POM121L2: variants seen among roughly 807,000 people sequenced by gnomAD.
POM121L2 encodes the protein POM121-like protein 2.
For missense variants in POM121L2, 1,167 were observed against 1,260.3 expected (o/e 0.93, Z 1.12); for synonymous variants, 459 against 483.8 (o/e 0.95, Z 0.67).
rs1477108046 is a variant in POM121L2 at position 27,311,033 on chromosome 6, G to T, written c.1138C>A (p.Leu380Ile). ...AGAGACAAGGAAGGCTGAATAGCAA[G>T]CCAAGTCTCAGGGAAAGGGTCTGTG... is the stretch of plus-strand genomic sequence containing the variant. ...VNTDPFPETW[L>I]AIQPSLSLAL... Residue 380 changes from leucine (L) to isoleucine (I), a missense_variant, in exon 1 of 1, where the codon CTT (leucine) becomes ATT (isoleucine). Coordinates refer to ENST00000444565, the MANE Select transcript of POM121L2 (RefSeq NM_033482.4). 2.6e-6 allele frequency: 4 copies of T among 1,551,836 alleles called. No individual in the cohort carries two copies. The Admixed American group carries it at 7.8e-5, about 30-fold the overall frequency.
In POM121L2 at chr6:27,312,115, C is replaced by G; in HGVS notation, c.56G>C (p.Arg19Pro). 6.8e-7 allele frequency: 1 copy of G among 1,465,300 alleles called. No individual in the cohort carries two copies. Among genetic ancestry groups the G allele is most frequent in the Non-Finnish European group, 9.0e-7 (1 of 1,106,484 alleles). 90.8% of individuals were successfully genotyped at this position (1,465,300 alleles called of 1,614,324 possible). ...CGTGGGCCTCTCGGGCAAGTCGGTG[C>G]GCACCTGGGCTGGGGACGAGGGCGA... ...ELSPSSPAQV[R>P]TDLPERPTKR... The change falls in exon 1 of 1, where the codon CGC becomes CCC. Residue 19 changes from arginine (R) to proline (P), a missense_variant. By Grantham distance (103) the Arg-to-Pro change is moderately radical (BLOSUM62 -2). Coordinates refer to ENST00000444565, the MANE Select transcript of POM121L2 (RefSeq NM_033482.4). The surrounding 1 kb of genome is among the most constrained non-coding windows in gnomAD (Gnocchi z 6.7).
Position 27,310,898 on chromosome 6 carries a change from C to T in POM121L2, c.1273G>A (p.Gly425Arg), listed in dbSNP as rs1315655265. 2 of 1,551,654 alleles carry T rather than the reference C, an allele frequency of 1.3e-6. No homozygotes were observed. The highest frequency in any genetic ancestry group is 1.4e-5 in the African/African-American group (1 of 73,026). ...GAATGGGCCACACTGGTTGCCTCTCCCGTGGACTGTGGAGAGGCCAGTGGA... is the reference window on the plus strand; with the variant it reads ...GAATGGGCCACACTGGTTGCCTCTCTCGTGGACTGTGGAGAGGCCAGTGGA... ...LGPLASPQST[G>R]EATSVAHSPL... Residue 425 changes from glycine to arginine, a missense_variant, in exon 1 of 1, where the codon GGA becomes AGA. By Grantham distance (125) the Gly-to-Arg change is moderately radical. Coordinates refer to ENST00000444565, the MANE Select transcript of POM121L2 (RefSeq NM_033482.4).
Position 27,309,134 on chromosome 6 carries a change from C to G in POM121L2, c.3037G>C (p.Gly1013Arg). The G allele has an allele frequency of 6.4e-7, 1 of 1,551,780 alleles. No individual in the cohort carries two copies. The highest frequency in any genetic ancestry group is 8.7e-7 in the Non-Finnish European group (1 of 1,147,020). The change falls in exon 1 of 1, where the codon GGC (glycine) becomes CGC (arginine). Residue 1013 changes from glycine (G) to arginine (R), a missense_variant. Coordinates refer to ENST00000444565, the MANE Select transcript of POM121L2 (RefSeq NM_033482.4). ...FRSSASSFSI[G>R]AKSKTPKNRE... Reference sequence around the variant, plus strand: ...TTCTTTGGGGTTTTTGATTTTGCGCCAATGGAAAATGAAGAGGCTGATGAT... The same window carrying G: ...TTCTTTGGGGTTTTTGATTTTGCGCGAATGGAAAATGAAGAGGCTGATGAT...
At position 27,310,364 on chromosome 6, in the gene POM121L2, G is replaced by A. The variant is rs1760727676; in HGVS notation, c.1807C>T (p.Pro603Ser). Residue 603 changes from proline to serine, a missense_variant, in exon 1 of 1, where the codon CCT becomes TCT. Coordinates refer to ENST00000444565, the MANE Select transcript of POM121L2 (RefSeq NM_033482.4). ...TGGGTAGAAGCATGAGTAAATGGAGGAGGGGTCTGCTTGGAGGAGAAAGGA... is the reference window on the plus strand; with the variant it reads ...TGGGTAGAAGCATGAGTAAATGGAGAAGGGGTCTGCTTGGAGGAGAAAGGA... ...IAPFSSKQTP[P>S]PFTHASTHHF... 1.9e-6 allele frequency: 3 copies of A among 1,552,086 alleles called. No homozygotes were observed. Among genetic ancestry groups the A allele is most frequent in the Admixed American group, 3.9e-5 (2 of 50,996 alleles).
rs770330342 is a variant in POM121L2, at chr6:27,311,996, G to A, written c.175C>T (p.Arg59Trp). Residue 59 changes from arginine (R) to tryptophan (W), a missense_variant, in exon 1 of 1, where the codon CGG (arginine) becomes TGG (tryptophan). Physicochemically the swap from Arg to Trp is moderately radical, Grantham distance 101. Coordinates refer to ENST00000444565, the MANE Select transcript of POM121L2 (RefSeq NM_033482.4). ...GGATTGGCAGGATCCAGGTTTGGCC[G>A]CCTCCTCACAGGTCTATACCGTGGG... ...PAPRYRPVRR[R>W]PNLDPANPTT... 3.9e-6 allele frequency: 6 copies of A among 1,548,802 alleles called. No homozygotes were observed. The highest frequency in any genetic ancestry group is 2.0e-5 in the Admixed American group (1 of 50,848).
rs2113595611 is a variant in POM121L2, at chr6:27,308,893, G to A, written c.*170C>T. 6.6e-6 allele frequency among the ~76,000 whole-genome samples: 1 copy of A among 152,320 alleles called. No individual in the cohort carries two copies. The highest frequency in any genetic ancestry group is 2.4e-5 in the African/African-American group (1 of 41,562). On this transcript the variant is annotated 3_prime_UTR_variant, in exon 1 of 1. Coordinates refer to ENST00000444565, the MANE Select transcript of POM121L2 (RefSeq NM_033482.4). Reference sequence around the variant, plus strand: ...CTCAATCTGCAATCAGCACTAGATGGTTTAGTCCTTCACTTTCGTCAAGGA... The same window carrying A: ...CTCAATCTGCAATCAGCACTAGATGATTTAGTCCTTCACTTTCGTCAAGGA...
Position 27,310,601 on chromosome 6 carries a change from G to A in POM121L2, c.1570C>T (p.Pro524Ser). The A allele has an allele frequency of 1.3e-6, 2 of 1,551,920 alleles. No individual in the cohort carries two copies. Among genetic ancestry groups the A allele is most frequent in the East Asian group, 2.4e-5 (1 of 40,910 alleles). Residue 524 changes from proline to serine, a missense_variant, in exon 1 of 1, where the codon CCT (proline) becomes TCT (serine). Transcript: ENST00000444565. ...SPTSHLSASA[P>S]PDATSAHLML... ...AGGTGAGCAGAAGTTGCATCAGGAG[G>A]TGCAGATGCAGAAAGATGGGATGTT...
Position 27,309,205 on chromosome 6 carries a change from A to C in POM121L2, c.2966T>G (p.Met989Arg). The C allele has an allele frequency of 6.4e-7, 1 of 1,551,816 alleles. No individual in the cohort carries two copies. Among genetic ancestry groups the C allele is most frequent in the Middle Eastern group, 1.7e-4 (1 of 5,992 alleles). Residue 989 changes from methionine (M) to arginine (R), a missense_variant, in exon 1 of 1, where the codon ATG (methionine) becomes AGG (arginine). By Grantham distance (91) the Met-to-Arg change is moderately conservative (BLOSUM62 -1). Transcript: ENST00000444565. ...AGAGCCCTGGGCAGGTGGAAAAGGC[A>C]TCCCAAAGCCAACACTGCTGCCTGC... is the stretch of plus-strand genomic sequence containing the variant. ...AKAGSSVGFG[M>R]PFPPAQGSVG...
rs770746581 is a variant in POM121L2 at position 27,310,176 on chromosome 6, G to T, written c.1995C>A (p.Phe665Leu). 2.0e-4 allele frequency: 308 copies of T among 1,551,960 alleles called. No homozygotes were observed. The highest frequency in any genetic ancestry group is 2.6e-4 in the Non-Finnish European group (298 of 1,147,096). The change falls in exon 1 of 1, where the codon TTC (phenylalanine) becomes TTA (leucine). Residue 665 changes from phenylalanine (F) to leucine (L), a missense_variant. Coordinates refer to ENST00000444565, the MANE Select transcript of POM121L2 (RefSeq NM_033482.4). ...TYSVPSTCDT[F>L]LLGTAQAFRA... Reference sequence around the variant, plus strand: ...TGAAGGCCTGAGCAGTCCCAAGCAGGAAAGTGTCGCAAGTGGAAGGGACAG... The same window carrying T: ...TGAAGGCCTGAGCAGTCCCAAGCAGTAAAGTGTCGCAAGTGGAAGGGACAG...
chr6:27,310,594 T>G lies in POM121L2; in HGVS notation c.1577A>C (p.Asp526Ala). Residue 526 changes from aspartate (D) to alanine (A), a missense_variant, in exon 1 of 1, where the codon GAT becomes GCT. Physicochemically the swap from Asp to Ala is moderately radical, Grantham distance 126. Coordinates refer to ENST00000444565, the MANE Select transcript of POM121L2 (RefSeq NM_033482.4). ...TAACATGAGGTGAGCAGAAGTTGCATCAGGAGGTGCAGATGCAGAAAGATG... is the reference window on the plus strand; with the variant it reads ...TAACATGAGGTGAGCAGAAGTTGCAGCAGGAGGTGCAGATGCAGAAAGATG... ...TSHLSASAPPDATSAHLMLKP... is the reference protein window; with the variant it reads ...TSHLSASAPPAATSAHLMLKP... The G allele has an allele frequency of 6.4e-7, 1 of 1,551,898 alleles. No homozygotes were observed. Among genetic ancestry groups the G allele is most frequent in the Non-Finnish European group, 8.7e-7 (1 of 1,147,024 alleles).
Position 27,310,724 on chromosome 6 carries a change from G to A in POM121L2, c.1447C>T (p.Pro483Ser), listed in dbSNP as rs1760733710. 1.3e-6 allele frequency: 2 copies of A among 1,551,780 alleles called. No homozygotes were observed. The highest frequency in any genetic ancestry group is 2.4e-5 in the East Asian group (1 of 40,914). The change falls in exon 1 of 1, where the codon CCG becomes TCG. Residue 483 changes from proline (P) to serine (S), a missense_variant. Coordinates refer to ENST00000444565, the MANE Select transcript of POM121L2 (RefSeq NM_033482.4). Reference protein sequence around the residue: ...PTLPVTDTTWPPSTSQADRSP... With the variant: ...PTLPVTDTTWSPSTSQADRSP... Reference sequence around the variant, plus strand: ...CTGTCAGCCTGAGAGGTTGAAGGCGGCCAGGTGGTGTCAGTAACTGGTAAT... The same window carrying A: ...CTGTCAGCCTGAGAGGTTGAAGGCGACCAGGTGGTGTCAGTAACTGGTAAT...
Position 27,312,035 on chromosome 6 carries a change from G to T in POM121L2, c.136C>A (p.Arg46Ser), listed in dbSNP as rs959683083. 9 of 1,531,406 alleles carry T rather than the reference G, an allele frequency of 5.9e-6. No individual in the cohort carries two copies. The African/African-American group carries it at 1.1e-4, about 19-fold the overall frequency. The allele number at this position is 1,531,406 out of a possible 1,614,324, so 94.9% of individuals were successfully genotyped here. A position where few individuals can be genotyped will look rare whatever the true frequency, so the allele number is the denominator to read the frequency against. Residue 46 changes from arginine to serine, a missense_variant, in exon 1 of 1, where the codon CGC (arginine) becomes AGC (serine). Physicochemically the swap from Arg to Ser is moderately radical, Grantham distance 110. Coordinates refer to ENST00000444565, the MANE Select transcript of POM121L2 (RefSeq NM_033482.4). The surrounding 1 kb of genome is among the most constrained non-coding windows in gnomAD (Gnocchi z 6.7). ...HQVHRVQFVH[R>S]AHPAPRYRPV... ...CTATACCGTGGGGCAGGGTGGGCGCGGTGGACGAACTGAACCCGATGAACT... is the reference window on the plus strand; with the variant it reads ...CTATACCGTGGGGCAGGGTGGGCGCTGTGGACGAACTGAACCCGATGAACT...
In POM121L2 at chr6:27,312,112, G is replaced by T. The variant is rs1343407326; in HGVS notation, c.59C>A (p.Thr20Asn). The change falls in exon 1 of 1, where the codon ACC becomes AAC. Residue 20 changes from threonine (T) to asparagine (N), a missense_variant. Coordinates refer to ENST00000444565, the MANE Select transcript of POM121L2 (RefSeq NM_033482.4). This position sits in a 1 kb window ranked among gnomAD's most constrained non-coding sequence, Gnocchi z 6.7. ...LSPSSPAQVR[T>N]DLPERPTKRR... The stretch of plus-strand genomic sequence containing the variant: ...TTTCGTGGGCCTCTCGGGCAAGTCG[G>T]TGCGCACCTGGGCTGGGGACGAGGG... 6.8e-7 allele frequency: 1 copy of T among 1,472,922 alleles called. No individual in the cohort carries two copies. Among genetic ancestry groups the T allele is most frequent in the Admixed American group, 2.5e-5 (1 of 39,256 alleles). The allele number at this position is 1,472,922 out of a possible 1,614,324, so 91.2% of individuals were successfully genotyped here. A position where few individuals can be genotyped will look rare whatever the true frequency, so the allele number is the denominator to read the frequency against.
Position 27,309,526 on chromosome 6 carries a change from C to T in POM121L2, c.2645G>A (p.Gly882Asp). The change falls in exon 1 of 1, where the codon GGC (glycine) becomes GAC (aspartate). Residue 882 changes from glycine (G) to aspartate (D), a missense_variant. Transcript: ENST00000444565. ...AGTGAAAGGTTGTGGAGCTCTGCTG[C>T]CAAACACTGAGCCAAAAGCCCCACT... is the stretch of plus-strand genomic sequence containing the variant. ...HQSGAFGSVF[G>D]SRAPQPFTFG... 4 of 1,552,074 alleles carry T rather than the reference C, an allele frequency of 2.6e-6. No homozygotes were observed. In the South Asian group the frequency reaches 4.8e-5, roughly 18 times the overall value.
chr6:27,311,686 GC>G, upstream of POM121L2: 1 of 1,551,860 alleles, frequency 6.4e-7, no homozygotes, highest in Non-Finnish European at 8.7e-7. Context: ...CTCTCTGAGG[GC>G]CCTCAACACT....
In POM121L2 at chr6:27,309,272, C is replaced by A; in HGVS notation, c.2899G>T (p.Ala967Ser). 6.4e-7 allele frequency: 1 copy of A among 1,551,552 alleles called. No homozygotes were observed. Among genetic ancestry groups the A allele is most frequent in the Non-Finnish European group, 8.7e-7 (1 of 1,146,912 alleles). ...RGSISARKTM[A>S]PIAQNTPVPG... ...ACTGGGGTGTTTTGAGCAATGGGGGCCATAGTCTTTCTTGCAGAAATGCTG... is the reference window on the plus strand; with the variant it reads ...ACTGGGGTGTTTTGAGCAATGGGGGACATAGTCTTTCTTGCAGAAATGCTG... The change falls in exon 1 of 1, where the codon GCC becomes TCC. Residue 967 changes from alanine to serine, a missense_variant. Ala to Ser is a moderately conservative substitution (Grantham distance 99, BLOSUM62 1). Coordinates refer to ENST00000444565, the MANE Select transcript of POM121L2 (RefSeq NM_033482.4).
At position 27,310,057 on chromosome 6, in the gene POM121L2, A is replaced by G. The variant is rs1294625082; in HGVS notation, c.2114T>C (p.Val705Ala). The change falls in exon 1 of 1, where the codon GTC becomes GCC. Residue 705 changes from valine to alanine, a missense_variant. Val to Ala is a moderately conservative substitution (Grantham distance 64, BLOSUM62 0). Transcript: ENST00000444565. ...TVHTVTMFTQ[V>A]LSSVVQISPR... Reference sequence around the variant, plus strand: ...GGATATCTGTACAACACTGGAAAGGACCTGGGTAAACATGGTGACTGTATG... The same window carrying G: ...GGATATCTGTACAACACTGGAAAGGGCCTGGGTAAACATGGTGACTGTATG... The G allele has an allele frequency of 6.4e-7, 1 of 1,552,218 alleles. No individual in the cohort carries two copies. Among genetic ancestry groups the G allele is most frequent in the Admixed American group, 2.0e-5 (1 of 51,014 alleles).
rs1301596524 is a variant in POM121L2, at chr6:27,312,132, C to T, written c.39G>A (p.Ser13=). Reference sequence around the variant, plus strand: ...AGTCGGTGCGCACCTGGGCTGGGGACGAGGGCGAAAGTTCCAGTTTGCTCA... The same window carrying T: ...AGTCGGTGCGCACCTGGGCTGGGGATGAGGGCGAAAGTTCCAGTTTGCTCA... ...SFLSKLELSP[S]SPAQVRTDLP... is the part of the protein sequence containing the mutation. Residue 13 remains serine (S), a synonymous_variant, in exon 1 of 1, where the codon TCG becomes TCA. Coordinates refer to ENST00000444565, the MANE Select transcript of POM121L2 (RefSeq NM_033482.4). This position sits in a 1 kb window ranked among gnomAD's most constrained non-coding sequence, Gnocchi z 6.7. 2.1e-6 allele frequency: 3 copies of T among 1,455,718 alleles called. No homozygotes were observed. In the African/African-American group the frequency reaches 4.3e-5, roughly 21 times the overall value. 90.2% of individuals were successfully genotyped at this position (1,455,718 alleles called of 1,614,324 possible).
chr6:27,312,017 G>C lies in POM121L2; in HGVS notation c.154C>G (p.Arg52Gly). ...GGCCGCCTCCTCACAGGTCTATACCGTGGGGCAGGGTGGGCGCGGTGGACG... is the reference window on the plus strand; with the variant it reads ...GGCCGCCTCCTCACAGGTCTATACCCTGGGGCAGGGTGGGCGCGGTGGACG... ...QFVHRAHPAP[R>G]YRPVRRRPNL... Residue 52 changes from arginine (R) to glycine (G), a missense_variant, in exon 1 of 1, where the codon CGG becomes GGG. Physicochemically the swap from Arg to Gly is moderately radical, Grantham distance 125. Transcript: ENST00000444565. The surrounding 1 kb of genome is among the most constrained non-coding windows in gnomAD (Gnocchi z 6.7). 6.5e-7 allele frequency: 1 copy of C among 1,536,240 alleles called. No individual in the cohort carries two copies. Among genetic ancestry groups the C allele is most frequent in the South Asian group, 1.2e-5 (1 of 82,276 alleles).
Sources: gnomAD v4.1 joint callset for allele counts (sites outside exome capture counted in the v4.1 genomes callset) on GRCh38, gnomAD v4.1.1 for gene constraint, Gnocchi (gnomAD v3.1) non-coding constraint, MANE v1.5 for transcripts, NCBI Gene and HGNC (gene_info 2026-07-23, HGNC 2026-07-21) for gene names.